Variants in DPH6 observed in about 807,000 individuals in gnomAD.
The protein encoded by DPH6 is diphthine--ammonia ligase.
DPH6 carries 33 observed loss-of-function variants against 38.2 expected under a neutral mutation model. The observed-to-expected ratio is 0.86, with a 90% CI of 0.65 to 1.15. The LOEUF (loss-of-function observed/expected upper bound fraction) is 1.15, where lower values mean the gene tolerates loss of function less well. Among genes scored for constraint, DPH6 ranks in the 50% most tolerant of loss-of-function variants. The pLI, the probability that DPH6 is intolerant of heterozygous loss-of-function variation, is 0.00. For missense variants in DPH6, 325 were observed against 320.0 expected, an observed-to-expected ratio of 1.02 and a Z score of -0.12; for synonymous variants, 108 against 103.0, an observed-to-expected ratio of 1.05 and a Z score of -0.30.
chr15:35,316,613 T>C (rs573879336), intron 3 of DPH6, among the ~76,000 whole-genome samples: 1 of 152,224 alleles, frequency 6.6e-6, no homozygotes, highest in East Asian at 1.9e-4. Flanking sequence ...ATTATAGCTA[T>C]ATAGGCCTGG....
chr15:35,282,137 C>T (rs2051903281), intron 3 of DPH6, among the ~76,000 whole-genome samples: 1 of 152,046 alleles, frequency 6.6e-6, no homozygotes, highest in Non-Finnish European at 1.5e-5. Flanking sequence ...GTTTTTGCTA[C>T]TCCTTCTACA....
the DPH6 span, among the ~76,000 whole-genome samples, chr15:35,149,650 C>T: frequency 6.6e-6 from 1 of 152,224 alleles, no homozygotes; most frequent in Admixed American, 6.5e-5. Flanking sequence ...CTGGCTATCA[C>T]CATGCCTACC....
chr15:35,333,251 C>T (rs551649669), intron 3 of DPH6, among the ~76,000 whole-genome samples: 124 of 152,162 alleles, frequency 8.1e-4, no homozygotes, highest in African/African-American at 2.9e-3. Flanking sequence ...CCAATGACCA[C>T]GTAAAATAAC....
At chr15:35,167,436 T>C in the DPH6 span, among the ~76,000 whole-genome samples, 84 of 141,450 alleles carry the variant, frequency 5.9e-4, 1 homozygote, top group East Asian at 0.019. Context: ...TAACTTTCAA[T>C]TAAAAAAAAA....
At chr15:35,429,401 T>C (rs1184072600) in intron 5 of DPH6, among the ~76,000 whole-genome samples, 3 of 152,178 alleles carry the variant, frequency 2.0e-5, no homozygotes, top group Admixed American at 6.5e-5. Flanking sequence ...TCATTTAATA[T>C]GAATCTGAAT....
chr15:35,200,542 A>G, the DPH6 span, among the ~76,000 whole-genome samples: 14 of 152,172 alleles, frequency 9.2e-5, no homozygotes, highest in African/African-American at 2.6e-4. Context: ...TCTTTAGTCA[A>G]ATATTTACTG....
At chr15:35,222,539 G>C (rs889819217) in intron 3 of DPH6, among the ~76,000 whole-genome samples, 2 of 152,098 alleles carry the variant, frequency 1.3e-5, no homozygotes, top group African/African-American at 4.8e-5. Flanking sequence ...CAACTTGAAG[G>C]GGGGGGTTTC....
At chr15:35,260,141 C>CTCTG (rs1423373897) in intron 3 of DPH6, among the ~76,000 whole-genome samples, 3 of 152,122 alleles carry the variant, frequency 2.0e-5, no homozygotes, top group African/African-American at 7.2e-5. Flanking sequence ...CAGAGTCTTG[C>CTCTG]TCTGTCGCCC....
At chr15:35,545,903 G>A (rs1426106816) in intron 1 of DPH6, among the ~76,000 whole-genome samples, 2 of 152,206 alleles carry the variant, frequency 1.3e-5, no homozygotes, top group Non-Finnish European at 2.9e-5. Context: ...TAGAAGACCA[G>A]AGAGCGACAG....
chr15:35,502,131 A>G (rs1218925462), intron 3 of DPH6, among the ~76,000 whole-genome samples: 1 of 152,106 alleles, frequency 6.6e-6, no homozygotes, highest in Non-Finnish European at 1.5e-5. Context: ...TTTTACTGCT[A>G]TTCTGGACTT....
chr15:35,165,043 G>A, the DPH6 span, among the ~76,000 whole-genome samples: 6 of 151,764 alleles, frequency 4.0e-5, no homozygotes, highest in African/African-American at 1.2e-4. Flanking sequence ...TCCAAAGTGA[G>A]GCTTATCTCA....
intron 3 of DPH6, among the ~76,000 whole-genome samples, chr15:35,243,746 G>A (rs1190458669): frequency 2.7e-5 from 4 of 150,366 alleles, no homozygotes; most frequent in Admixed American, 2.0e-4. Context: ...CTCTCTTTTC[G>A]GACTCAGCCC....
At chr15:35,313,954 G>T (rs1311107651) in intron 3 of DPH6, among the ~76,000 whole-genome samples, 4 of 152,080 alleles carry the variant, frequency 2.6e-5, no homozygotes, top group African/African-American at 9.7e-5. Context: ...ATGGGATCAT[G>T]TCAAGCTAAA....
intron 6 of DPH6, among the ~76,000 whole-genome samples, chr15:35,404,915 A>C (rs972277984): frequency 2.0e-5 from 3 of 152,132 alleles, no homozygotes; most frequent in Non-Finnish European, 2.9e-5. Flanking sequence ...GGTGAGAGAG[A>C]GGGATCAAGT....
At chr15:35,192,143 T>C in the DPH6 span, among the ~76,000 whole-genome samples, 1 of 152,202 alleles carries the variant, frequency 6.6e-6, no homozygotes, top group Non-Finnish European at 1.5e-5. Flanking sequence ...TTCCAGAAAG[T>C]ATTTAAGACA....
chr15:35,358,290 C>G (rs1481890008), intron 3 of DPH6, among the ~76,000 whole-genome samples: 1 of 151,952 alleles, frequency 6.6e-6, no homozygotes, highest in Non-Finnish European at 1.5e-5. Flanking sequence ...ATTTCTTGTA[C>G]CATATTCTGG....
intron 3 of DPH6, among the ~76,000 whole-genome samples, chr15:35,480,713 G>A (rs945977916): frequency 3.3e-5 from 5 of 151,626 alleles, no homozygotes; most frequent in African/African-American, 1.2e-4. Flanking sequence ...TATAATTAAG[G>A]TTGGATATAT....
chr15:35,289,998 T>C (rs1379465224), intron 3 of DPH6, among the ~76,000 whole-genome samples: 1 of 152,142 alleles, frequency 6.6e-6, no homozygotes, highest in African/African-American at 2.4e-5. Context: ...TAAATTGAAA[T>C]TGTTATGCAT....
chr15:35,352,088 T>C (rs929986735), intron 3 of DPH6, among the ~76,000 whole-genome samples: 4 of 152,200 alleles, frequency 2.6e-5, no homozygotes, highest in Admixed American at 2.6e-4. Context: ...TCTGACTACT[T>C]CTGTTTTCTA....
Sources: gnomAD v4.1 joint callset for allele counts (sites outside exome capture counted in the v4.1 genomes callset) on GRCh38, gnomAD v4.1.1 for gene constraint, MANE v1.5 for transcripts, NCBI Gene and HGNC (gene_info 2026-07-23, HGNC 2026-07-21) for gene names.